EPHA3: variants seen among roughly 807,000 people sequenced by gnomAD.
The protein encoded by EPHA3 is EPH receptor A3.
Under a neutral mutation model 107.1 loss-of-function variants are expected in EPHA3, and 42 were observed. The ratio of observed to expected loss-of-function variants is 0.39; its 90% CI spans 0.31 to 0.51. The LOEUF (loss-of-function observed/expected upper bound fraction) is 0.51, where lower values mean the gene tolerates loss of function less well. Among genes scored for constraint, EPHA3 ranks in the 20% least tolerant of loss-of-function variants. EPHA3 has a pLI of 0.78. For missense variants in EPHA3, 1,183 were observed against 1,211.2 expected (o/e 0.98, Z 0.35); for synonymous variants, 461 against 424.8 (o/e 1.09, Z -1.05).
chr3:89,324,822 AC>A (rs1212142381), intron 3 of EPHA3, among the ~76,000 whole-genome samples: 3 of 152,082 alleles, frequency 2.0e-5, no homozygotes, highest in East Asian at 3.9e-4. Context: ...TGAGCATAAT[AC>A]CCACTTAATT....
At chr3:89,204,078 G>T (rs1318103533) in intron 2 of EPHA3, among the ~76,000 whole-genome samples, 2 of 152,108 alleles carry the variant, frequency 1.3e-5, no homozygotes, top group Non-Finnish European at 2.9e-5. Flanking sequence ...TCTAAGCAGG[G>T]ATCTTACATG....
rs1049521092 is a variant in EPHA3, at chr3:89,153,683, A to AT, written c.153+26416dup. Among the ~76,000 whole-genome samples, 104 of 152,104 alleles carry AT rather than the reference A, an allele frequency of 6.8e-4. 1 individual carries two copies. The highest frequency in any genetic ancestry group is 4.7e-3 in the East Asian group (24 of 5,146). On this transcript the variant is annotated intron_variant, in intron 2 of 16. Coordinates refer to ENST00000336596, the MANE Select transcript of EPHA3 (RefSeq NM_005233.6). ...ACCAAGCCACCACCATCTTTTACCT[A>AT]TTTTTTGTTAAATCCAGGCTCCCTG... is the stretch of plus-strand genomic sequence containing the variant.
intron 16 of EPHA3, among the ~76,000 whole-genome samples, chr3:89,477,223 G>A (rs868395983): frequency 3.3e-5 from 5 of 152,118 alleles, no homozygotes; most frequent in South Asian, 2.1e-4. Flanking sequence ...TCCATCATCC[G>A]CAGTACACTA....
chr3:89,288,151 C>T (rs1273801498), intron 3 of EPHA3, among the ~76,000 whole-genome samples: 1 of 151,806 alleles, frequency 6.6e-6, no homozygotes, highest in African/African-American at 2.4e-5. Flanking sequence ...AAAAAAACAC[C>T]TGGTGAATGC....
intron 3 of EPHA3, among the ~76,000 whole-genome samples, chr3:89,240,226 GT>G (rs1265347857): frequency 1.3e-5 from 2 of 152,068 alleles, no homozygotes; most frequent in Non-Finnish European, 2.9e-5. Context: ...TTTCTGTTTT[GT>G]TTTTTGTGTT....
intron 3 of EPHA3, among the ~76,000 whole-genome samples, chr3:89,314,829 G>A (rs747238476): frequency 1.4e-4 from 21 of 152,018 alleles, no homozygotes; most frequent in African/African-American, 2.4e-4. Flanking sequence ...GCAGTTATGC[G>A]TTACTTAACA....
intron 9 of EPHA3, among the ~76,000 whole-genome samples, chr3:89,410,753 C>T (rs1393060083): frequency 6.6e-6 from 1 of 151,904 alleles, no homozygotes; most frequent in Non-Finnish European, 1.5e-5. Flanking sequence ...GTAATGGTTA[C>T]TTACTTTTAC....
rs1182260880 is a variant in EPHA3 at position 89,448,587 on chromosome 3, AATT to A, written c.2347-632_2347-630del. On this transcript the variant is annotated intron_variant, in intron 13 of 16. Coordinates refer to ENST00000336596, the MANE Select transcript of EPHA3 (RefSeq NM_005233.6). The stretch of plus-strand genomic sequence containing the variant: ...TCTAAATTATAAGTTCTGGGAATGT[AATT>A]ATTATGTCTATCTAATTTATATGGT... 3.3e-5 allele frequency among the ~76,000 whole-genome samples: 5 copies of A among 152,300 alleles called. No homozygotes were observed. The East Asian group carries it at 9.7e-4, about 29-fold the overall frequency.
In EPHA3 at chr3:89,363,681, C is replaced by CGTGTGTGTGT. The variant is rs148145691; in HGVS notation, c.1306+21599_1306+21608dup. Reference sequence around the variant, plus strand: ...ACCATCATAGTCAGTGGTGTGTGTGCGTGTGTGTGTGTGTGTGCATGCACA... The same window carrying CGTGTGTGTGT: ...ACCATCATAGTCAGTGGTGTGTGTGCGTGTGTGTGTGTGTGTGTGTGTGTGTGCATGCACA... On this transcript the variant is annotated intron_variant, in intron 5 of 16. Transcript: ENST00000336596. 2.0e-5 allele frequency among the ~76,000 whole-genome samples: 3 copies of CGTGTGTGTGT among 147,568 alleles called. No homozygotes were observed. In the Admixed American group the frequency reaches 2.1e-4, roughly 10 times the overall value.
rs117144566 is a variant in EPHA3, at chr3:89,345,036, T to G, written c.1306+2946T>G. ...TATAACGACATAAATTGCTGCTTTT[T>G]GTTTTCTTTCACAGAATGAGTATAT... is the stretch of plus-strand genomic sequence containing the variant. On this transcript the variant is annotated intron_variant, in intron 5 of 16. Transcript: ENST00000336596. Among the ~76,000 whole-genome samples, 9 of 151,518 alleles carry G rather than the reference T, an allele frequency of 5.9e-5. No homozygotes were observed. The East Asian group carries it at 1.7e-3, about 29-fold the overall frequency.
At chr3:89,353,933 G>A (rs948714082) in intron 5 of EPHA3, among the ~76,000 whole-genome samples, 7 of 151,164 alleles carry the variant, frequency 4.6e-5, no homozygotes, top group Non-Finnish European at 7.4e-5. Context: ...GTACGTGGAA[G>A]GGTATGATTA....
intron 5 of EPHA3, among the ~76,000 whole-genome samples, chr3:89,355,558 G>A (rs752579272): frequency 1.6e-4 from 24 of 151,038 alleles, no homozygotes; most frequent in Admixed American, 4.0e-4. Flanking sequence ...GTTTGTTTAT[G>A]CATTCATTTG....
chr3:89,191,080 T>A (rs1705702718), intron 2 of EPHA3, among the ~76,000 whole-genome samples: 1 of 152,136 alleles, frequency 6.6e-6, no homozygotes, highest in Non-Finnish European at 1.5e-5. Flanking sequence ...AAATACAATA[T>A]TCCTCTTTCA....
At chr3:89,304,419 T>C (rs1706562548) in intron 3 of EPHA3, among the ~76,000 whole-genome samples, 1 of 151,964 alleles carries the variant, frequency 6.6e-6, no homozygotes, top group South Asian at 2.1e-4. Context: ...TTGACTACCA[T>C]ATACAATTTG....
intron 2 of EPHA3, among the ~76,000 whole-genome samples, chr3:89,205,141 G>T (rs1438992174): frequency 6.6e-6 from 1 of 152,040 alleles, no homozygotes; most frequent in East Asian, 1.9e-4. Context: ...ATTAGCTTGT[G>T]CACTAAATTT....
chr3:89,436,045 G>A (rs1709664399), intron 13 of EPHA3, among the ~76,000 whole-genome samples: 1 of 151,874 alleles, frequency 6.6e-6, no homozygotes, highest in Non-Finnish European at 1.5e-5. Flanking sequence ...GGAGGCTGAG[G>A]TGGAAAGATC....
At chr3:89,173,171 T>C (rs1488787464) in intron 2 of EPHA3, among the ~76,000 whole-genome samples, 3 of 152,140 alleles carry the variant, frequency 2.0e-5, no homozygotes, top group Non-Finnish European at 4.4e-5. Context: ...CTGTATCATG[T>C]AACTCTAAGT....
At chr3:89,111,514 C>T (rs945473489) in intron 1 of EPHA3, among the ~76,000 whole-genome samples, 1 of 136,046 alleles carries the variant, frequency 7.4e-6, no homozygotes, top group Non-Finnish European at 1.6e-5. Flanking sequence ...TACATCCCCC[C>T]CCCACCCCGC....
At position 89,137,449 on chromosome 3, in the gene EPHA3, G is replaced by T. The variant is rs1284523878; in HGVS notation, c.153+10176G>T. Reference sequence around the variant, plus strand: ...AGTTTCTTTTGAAAGATTAAAAAAAGAAATTAAATTTAGTCTATAAAAACT... The same window carrying T: ...AGTTTCTTTTGAAAGATTAAAAAAATAAATTAAATTTAGTCTATAAAAACT... On this transcript the variant is annotated intron_variant, in intron 2 of 16. Coordinates refer to ENST00000336596, the MANE Select transcript of EPHA3 (RefSeq NM_005233.6). Among the ~76,000 whole-genome samples, 7 of 151,946 alleles carry T rather than the reference G, an allele frequency of 4.6e-5. No homozygotes were observed. In the East Asian group the frequency reaches 7.8e-4, roughly 17 times the overall value.
Sources: gnomAD v4.1 joint callset for allele counts (sites outside exome capture counted in the v4.1 genomes callset) on GRCh38, gnomAD v4.1.1 for gene constraint, MANE v1.5 for transcripts, NCBI Gene and HGNC (gene_info 2026-07-23, HGNC 2026-07-21) for gene names.